Variants in MYO9A observed in about 807,000 individuals in gnomAD.
MYO9A encodes the protein myosin IXA.
Under a neutral mutation model 293.3 loss-of-function variants are expected in MYO9A, and 103 were observed. That is an observed-to-expected ratio of 0.35 (90% CI 0.30 to 0.41). The LOEUF is 0.41. Ranked by LOEUF, MYO9A falls within the 10% of genes least tolerant of loss-of-function variation. MYO9A has a pLI of 1.00. For missense variants in MYO9A, 2,685 were observed against 3,033.0 expected (o/e 0.89, Z 2.69); for synonymous variants, 1,001 against 1,035.7 (o/e 0.97, Z 0.64).
intron 25 of MYO9A, 156 bp downstream of exon 25, chr15:71,897,305 G>A (rs186097361): frequency 1.3e-6 from 1 of 772,004 alleles, no homozygotes; most frequent in Non-Finnish European, 2.1e-6. Flanking sequence ...CCAACTTCAG[G>A]TGATGGTAGA....
intron 8 of MYO9A, among the ~76,000 whole-genome samples, chr15:72,006,880 A>G (rs1178283467): frequency 6.6e-6 from 1 of 152,202 alleles, no homozygotes; most frequent in Non-Finnish European, 1.5e-5. Context: ...TCTAGTTGAA[A>G]AAGTCATTTC....
rs770465559 is a variant in MYO9A at position 71,830,305 on chromosome 15, C to T, written c.6844G>A (p.Gly2282Arg). 1 of 1,613,318 alleles carries T rather than the reference C, an allele frequency of 6.2e-7. No homozygotes were observed. The highest frequency in any genetic ancestry group is 1.7e-5 in the Admixed American group (1 of 59,876). ...GGATAGTTTCCTCGACGAATACGCC[C>T]CTTTCCCTGCAGAGAAAAATTCATG... ...LSLIRRSMGK[G>R]RIRRGNYPGP... The change falls in exon 40 of 42, where the codon GGG becomes AGG. Residue 2282 changes from glycine (G) to arginine (R), a missense_variant. By Grantham distance (125) the Gly-to-Arg change is moderately radical. This residue lies in a region of MYO9A where 350 missense variants were observed against 328.9 expected (regional missense o/e 1.06). Coordinates refer to ENST00000356056, the MANE Select transcript of MYO9A (RefSeq NM_006901.4).
At chr15:72,111,637 A>C (rs977039460) in intron 1 of MYO9A, among the ~76,000 whole-genome samples, 15 of 81,312 alleles carry the variant, frequency 1.8e-4, no homozygotes, top group African/African-American at 6.0e-4. Context: ...TATTACCCCC[A>C]ATTTTTTTTT....
chr15:71,832,103 C>G (rs2140660675), intron 39 of MYO9A, among the ~76,000 whole-genome samples: 1 of 152,250 alleles, frequency 6.6e-6, no homozygotes, highest in East Asian at 1.9e-4. Flanking sequence ...ATGAAGAAAC[C>G]CCATTTCCAC....
Position 71,826,567 on chromosome 15 carries a change from C to G in MYO9A, c.*13G>C. ...ACCACTCTGTAGCCACGGAGGGACA[C>G]ACATCTGCCGGTTCAGACCATAAAT... On this transcript the variant is annotated 3_prime_UTR_variant, in exon 42 of 42. Coordinates refer to ENST00000356056, the MANE Select transcript of MYO9A (RefSeq NM_006901.4). The G allele has an allele frequency of 6.4e-7, 1 of 1,563,770 alleles. No homozygotes were observed. Among genetic ancestry groups the G allele is most frequent in the Non-Finnish European group, 8.6e-7 (1 of 1,160,564 alleles).
At chr15:72,009,857 C>T (rs948239845) in intron 7 of MYO9A, among the ~76,000 whole-genome samples, 1 of 151,980 alleles carries the variant, frequency 6.6e-6, no homozygotes, top group Non-Finnish European at 1.5e-5. Context: ...TATAATTTAT[C>T]TCATCTTTAT....
At position 71,968,132 on chromosome 15, in the gene MYO9A, T is replaced by A; in HGVS notation, c.1845-7A>T. ...ATTTGTAGCCTGTGGAAAGCTGAATTAAAAAAAAAAGAAAAAATATCATTA... is the reference window on the plus strand; with the variant it reads ...ATTTGTAGCCTGTGGAAAGCTGAATAAAAAAAAAAAGAAAAAATATCATTA... On this transcript the variant is annotated splice_region_variant and splice_polypyrimidine_tract_variant and intron_variant, in intron 12 of 41. Coordinates refer to ENST00000356056, the MANE Select transcript of MYO9A (RefSeq NM_006901.4). 1.4e-6 allele frequency: 2 copies of A among 1,407,910 alleles called. No individual in the cohort carries two copies. Among genetic ancestry groups the A allele is most frequent in the African/African-American group, 1.5e-5 (1 of 67,720 alleles). The allele number at this position is 1,407,910 out of a possible 1,614,324, so 87.2% of individuals were successfully genotyped here. A position where few individuals can be genotyped will look rare whatever the true frequency, so the allele number is the denominator to read the frequency against.
chr15:72,117,543 G>A (rs148106509), intron 1 of MYO9A, 137 bp downstream of exon 1: 61 of 356,530 alleles, frequency 1.7e-4, no homozygotes, highest in African/African-American at 1.2e-3. Flanking sequence ...TCTGGTGTTT[G>A]GGAGGCTCGG....
At chr15:71,912,419 C>T (rs898805541) in intron 19 of MYO9A, among the ~76,000 whole-genome samples, 12 of 152,216 alleles carry the variant, frequency 7.9e-5, no homozygotes, top group Non-Finnish European at 1.3e-4. Context: ...CCATGCCTGG[C>T]TAATTTTTGT....
chr15:72,024,060 A>G (rs2077589072), intron 4 of MYO9A, among the ~76,000 whole-genome samples: 2 of 152,230 alleles, frequency 1.3e-5, no homozygotes, highest in Non-Finnish European at 2.9e-5. Context: ...TTGTCAATCA[A>G]GAAGTATATA....
chr15:71,862,185 G>A (rs917549018), intron 33 of MYO9A, among the ~76,000 whole-genome samples: 4 of 152,042 alleles, frequency 2.6e-5, no homozygotes, highest in African/African-American at 9.7e-5. Flanking sequence ...TTAAACTGGG[G>A]GTAGAAAAGA....
intron 12 of MYO9A, among the ~76,000 whole-genome samples, chr15:71,970,569 A>T (rs1030708845): frequency 3.3e-5 from 5 of 152,184 alleles, no homozygotes; most frequent in African/African-American, 9.7e-5. Context: ...AGAAAAAAAT[A>T]TTTCATGCCT....
intron 25 of MYO9A, 175 bp downstream of exon 25, chr15:71,897,286 T>G: frequency 1.5e-6 from 1 of 681,694 alleles, no homozygotes; most frequent in Non-Finnish European, 2.5e-6. Context: ...TCCTAGGATA[T>G]AACTACATCC....
At chr15:72,075,008 A>T (rs1414983038) in intron 1 of MYO9A, among the ~76,000 whole-genome samples, 1 of 111,162 alleles carries the variant, frequency 9.0e-6, no homozygotes, top group East Asian at 3.2e-4. Flanking sequence ...CTTGTTGCCC[A>T]GGCTGGAGTG....
rs143183555 is a variant in MYO9A at position 72,086,297 on chromosome 15, T to C, written c.-72+31383A>G. Among the ~76,000 whole-genome samples, 590 of 152,192 alleles carry C rather than the reference T, an allele frequency of 3.9e-3. 7 individuals carry two copies. Among genetic ancestry groups the C allele is most frequent in the East Asian group, 0.029 (152 of 5,166 alleles). On this transcript the variant is annotated intron_variant, in intron 1 of 41. Transcript: ENST00000356056. The stretch of plus-strand genomic sequence containing the variant: ...GGTGGTGGTGTTAGCCGGGTAGTGC[T>C]GGTAAGGGCAAATCTGTGTGCACCC...
Position 71,925,363 on chromosome 15 carries a change from A to G in MYO9A, c.2562+8307T>C, listed in dbSNP as rs145010056. ...TGTACATATATACTTACATGTATAT[A>G]TACATATATACGTATATACGTGTAT... On this transcript the variant is annotated intron_variant, in intron 18 of 41. Coordinates refer to ENST00000356056, the MANE Select transcript of MYO9A (RefSeq NM_006901.4). Among the ~76,000 whole-genome samples, 47 of 151,160 alleles carry G rather than the reference A, an allele frequency of 3.1e-4. No individual in the cohort carries two copies. In the East Asian group the frequency reaches 8.9e-3, roughly 29 times the overall value.
chr15:72,041,293 C>T (rs1018108385), intron 2 of MYO9A: 3 of 912,070 alleles, frequency 3.3e-6, no homozygotes, highest in African/African-American at 1.7e-5. Flanking sequence ...ATTTATTTGC[C>T]TAGTTCACTT....
intron 14 of MYO9A, chr15:71,959,525 AC>A (rs768622250): frequency 2.1e-4 from 38 of 179,494 alleles, no homozygotes; most frequent in Middle Eastern, 5.7e-3. Flanking sequence ...TTGCCCTCCC[AC>A]AGAAAATGAG....
chr15:72,048,136 A>G (rs1028692820), intron 1 of MYO9A, among the ~76,000 whole-genome samples: 2 of 152,124 alleles, frequency 1.3e-5, no homozygotes, highest in East Asian at 1.9e-4. Context: ...GTGGTGGCTC[A>G]TATCTGTAAT....
Sources: allele counts gnomAD v4.1 joint callset (sites outside exome capture counted in the v4.1 genomes callset), GRCh38; gene constraint gnomAD v4.1.1; regional missense constraint gnomAD v4.1.1; transcripts MANE v1.5; gene names NCBI Gene and HGNC (gene_info 2026-07-23, HGNC 2026-07-21).